PRKCB: variants seen among roughly 807,000 people sequenced by gnomAD.
PRKCB encodes protein kinase C beta, also known as protein kinase C beta type.
A neutral mutation model predicts 81.5 loss-of-function variants in PRKCB; 13 were observed. That is an observed-to-expected ratio of 0.16 (90% CI 0.10 to 0.25). The LOEUF (loss-of-function observed/expected upper bound fraction) is 0.25. Ranked by LOEUF, PRKCB falls within the 10% of genes least tolerant of loss-of-function variation. PRKCB has a pLI of 1.00. For synonymous variants in PRKCB, 335 were observed against 321.4 expected (o/e 1.04, Z -0.45); for missense variants, 509 against 875.7 (o/e 0.58, Z 5.29).
At chr16:23,955,869 C>T (rs930724601) in intron 2 of PRKCB, among the ~76,000 whole-genome samples, 2 of 152,256 alleles carry the variant, frequency 1.3e-5, no homozygotes, top group Non-Finnish European at 1.5e-5. Context: ...TTTGTGTCAT[C>T]TCCTCTTCAT....
At chr16:24,122,061 G>A (rs930680722) in intron 8 of PRKCB, among the ~76,000 whole-genome samples, 3 of 152,242 alleles carry the variant, frequency 2.0e-5, no homozygotes, top group Admixed American at 6.5e-5. Context: ...TAAATATATG[G>A]TTTGTAAGAT....
intron 2 of PRKCB, among the ~76,000 whole-genome samples, chr16:23,900,881 A>G (rs1355707362): frequency 1.3e-5 from 2 of 152,058 alleles, no homozygotes; most frequent in African/African-American, 4.8e-5. Flanking sequence ...CTGTAATCCA[A>G]AATCCTGCAA....
intron 5 of PRKCB, among the ~76,000 whole-genome samples, chr16:24,048,816 G>A (rs1455916533): frequency 6.6e-6 from 1 of 151,992 alleles, no homozygotes; most frequent in Non-Finnish European, 1.5e-5. Context: ...CCAAATGCCT[G>A]GCTTTTGCTA....
intron 9 of PRKCB, among the ~76,000 whole-genome samples, chr16:24,125,489 C>T (rs994265443): frequency 2.0e-5 from 3 of 152,220 alleles, no homozygotes; most frequent in East Asian, 1.9e-4. Flanking sequence ...TCCTGCAATT[C>T]ACATCTCAAC....
chr16:24,124,127 T>A (rs772280177), intron 9 of PRKCB, 146 bp downstream of exon 9: 68 of 1,004,000 alleles, frequency 6.8e-5, no homozygotes, highest in Non-Finnish European at 9.5e-5. Flanking sequence ...ATGAATACCA[T>A]GAAGGAAATG....
intron 5 of PRKCB, among the ~76,000 whole-genome samples, chr16:24,081,508 A>G (rs920158363): frequency 1.3e-5 from 2 of 152,190 alleles, no homozygotes; most frequent in Admixed American, 1.3e-4. Context: ...AAACAAAACT[A>G]AAATGTTCAT....
chr16:24,191,405 A>T, intron 16 of PRKCB, 175 bp downstream of exon 16: 77 of 593,666 alleles, frequency 1.3e-4, no homozygotes, highest in Middle Eastern at 3.9e-4. Flanking sequence ...GACATTTTCC[A>T]TTGGCCCAGC....
intron 5 of PRKCB, among the ~76,000 whole-genome samples, chr16:24,078,104 T>C (rs1966203555): frequency 6.6e-6 from 1 of 152,254 alleles, no homozygotes; most frequent in African/African-American, 2.4e-5. Context: ...ACAGTTTTGA[T>C]TGAATGTCCA....
intron 9 of PRKCB, among the ~76,000 whole-genome samples, chr16:24,126,236 GA>G (rs68037705): frequency 0.12 from 17,947 of 150,616 alleles, 1,244 homozygotes; most frequent in East Asian, 0.26. Flanking sequence ...GTCTAAGGAT[GA>G]AAAAAAAATA....
chr16:23,974,718 A>G (rs1434609017), intron 2 of PRKCB, among the ~76,000 whole-genome samples: 1 of 152,152 alleles, frequency 6.6e-6, no homozygotes, highest in Non-Finnish European at 1.5e-5. Context: ...TAAGCACACA[A>G]AAGAACTCTA....
At chr16:23,956,818 G>A (rs534185263) in intron 2 of PRKCB, among the ~76,000 whole-genome samples, 7 of 152,004 alleles carry the variant, frequency 4.6e-5, no homozygotes, top group African/African-American at 1.2e-4. Flanking sequence ...GGGATGCAGG[G>A]GAGCTTAATG....
At chr16:23,898,954 A>G (rs1287663303) in intron 2 of PRKCB, among the ~76,000 whole-genome samples, 1 of 152,162 alleles carries the variant, frequency 6.6e-6, no homozygotes, top group Non-Finnish European at 1.5e-5. Context: ...ACGTCTGGGA[A>G]ATCCTTAGGT....
At position 24,215,664 on chromosome 16, in the gene PRKCB, A is replaced by C; in HGVS notation, c.*848A>C. The C allele has an allele frequency of 1.0e-6, 1 of 984,780 alleles. No homozygotes were observed. The highest frequency in any genetic ancestry group is 1.1e-4 in the East Asian group (1 of 8,784). 61.0% of individuals were successfully genotyped at this position (984,780 alleles called of 1,614,324 possible). On this transcript the variant is annotated 3_prime_UTR_variant, in exon 17 of 17. Coordinates refer to ENST00000643927, the MANE Select transcript of PRKCB (RefSeq NM_002738.7). ...CAAAAAAAAGAAAAAAAAAGAAAAA[A>C]AAAGGTGACTCACATTGTTACACAT...
chr16:23,837,381 C>T lies in PRKCB; in HGVS notation c.180C>T (p.Phe60=). Residue 60 remains phenylalanine (F), a synonymous_variant, in exon 2 of 17, where the codon TTC becomes TTT. Coordinates refer to ENST00000643927, the MANE Select transcript of PRKCB (RefSeq NM_002738.7). ...CCTCCTTCTGCTTTTGCAGGGGCTTCGGGAAGCAGGGATTCCAGTGCCAAG... is the reference window on the plus strand; with the variant it reads ...CCTCCTTCTGCTTTTGCAGGGGCTTTGGGAAGCAGGGATTCCAGTGCCAAG... ...CSHCTDFIWG[F]GKQGFQCQVC... The T allele has an allele frequency of 6.2e-7, 1 of 1,613,218 alleles. No individual in the cohort carries two copies. The highest frequency in any genetic ancestry group is 8.5e-7 in the Non-Finnish European group (1 of 1,179,598).
At chr16:24,161,255 C>G (rs1203488796) in intron 10 of PRKCB, among the ~76,000 whole-genome samples, 4 of 152,052 alleles carry the variant, frequency 2.6e-5, no homozygotes, top group African/African-American at 9.7e-5. Flanking sequence ...AAAGTTACAT[C>G]AGAAATAATC....
At chr16:24,027,514 G>A (rs889043502) in intron 3 of PRKCB, among the ~76,000 whole-genome samples, 3 of 152,144 alleles carry the variant, frequency 2.0e-5, no homozygotes, top group African/African-American at 7.2e-5. Context: ...CTTTGAGCAG[G>A]ACAGATGATT....
chr16:24,132,208 G>A (rs1262506217), intron 9 of PRKCB, among the ~76,000 whole-genome samples: 1 of 152,106 alleles, frequency 6.6e-6, no homozygotes, highest in Admixed American at 6.6e-5. Context: ...CTGTCTCCCA[G>A]GTTATCAGCA....
chr16:24,053,974 T>A (rs1335505127), intron 5 of PRKCB, among the ~76,000 whole-genome samples: 1 of 152,124 alleles, frequency 6.6e-6, no homozygotes, highest in Admixed American at 6.5e-5. Flanking sequence ...TCCTTTAAGT[T>A]TTATTTATTT....
rs190719474 is a variant in PRKCB, at chr16:23,875,408, T to A, written c.205+38002T>A. Among the ~76,000 whole-genome samples, 374 of 151,792 alleles carry A rather than the reference T, an allele frequency of 2.5e-3. 2 individuals carry two copies. Among genetic ancestry groups the A allele is most frequent in the Non-Finnish European group, 4.1e-3 (278 of 67,954 alleles). On this transcript the variant is annotated intron_variant, in intron 2 of 16. Transcript: ENST00000643927. ...GAGGAGGAAGACCCAGGGACCCTTTTTAGCAGAGCTTACCAGCGGGTGTCC... is the reference window on the plus strand; with the variant it reads ...GAGGAGGAAGACCCAGGGACCCTTTATAGCAGAGCTTACCAGCGGGTGTCC...
Sources: gnomAD v4.1 joint callset for allele counts (sites outside exome capture counted in the v4.1 genomes callset) on GRCh38, gnomAD v4.1.1 for gene constraint, MANE v1.5 for transcripts, NCBI Gene and HGNC (gene_info 2026-07-23, HGNC 2026-07-21) for gene names.